PRKCE: variants seen among roughly 807,000 people sequenced by gnomAD.
PRKCE encodes the protein protein kinase C epsilon.
A neutral mutation model predicts 85.4 loss-of-function variants in PRKCE; 16 were observed. The ratio of observed to expected loss-of-function variants is 0.19; its 90% confidence interval spans 0.13 to 0.28. The LOEUF (loss-of-function observed/expected upper bound fraction) is 0.28. PRKCE is among the 10% of genes least tolerant of loss of function. The probability of loss-of-function intolerance (pLI) is 1.00; values close to 1 mark genes in which losing one functional copy is unlikely to be tolerated. For missense variants in PRKCE, 573 were observed against 975.2 expected, an observed-to-expected ratio of 0.59 and a Z score of 5.49; for synonymous variants, 388 against 371.5, an observed-to-expected ratio of 1.04 and a Z score of -0.51.
intron 2 of PRKCE, among the ~76,000 whole-genome samples, chr2:45,900,710 G>A (rs79305486): frequency 0.013 from 1,939 of 152,316 alleles, 43 homozygotes; most frequent in African/African-American, 0.043. Context: ...TTTCACAACA[G>A]TGTGAATGTA....
At chr2:45,666,666 G>A (rs993447867) in intron 1 of PRKCE, among the ~76,000 whole-genome samples, 3 of 151,944 alleles carry the variant, frequency 2.0e-5, no homozygotes, top group African/African-American at 4.8e-5. Flanking sequence ...TGGAATTGCG[G>A]TAACATTTAC....
chr2:45,652,702 G>A lies in PRKCE; in HGVS notation c.348+254G>A, dbSNP rs995580470. Among the ~76,000 whole-genome samples the A allele has an allele frequency of 1.3e-5, 2 of 152,338 alleles. No individual in the cohort carries two copies. Among genetic ancestry groups the A allele is most frequent in the African/African-American group, 2.4e-5 (1 of 41,582 alleles). ...GCCCTCCAGTTGGTGGGTGCTGCGG[G>A]AGGTTTGCAAACTGGGAGAGCCTGG... is the stretch of plus-strand genomic sequence containing the variant. On this transcript the variant is annotated intron_variant, in intron 1 of 14. Coordinates refer to ENST00000306156, the MANE Select transcript of PRKCE (RefSeq NM_005400.3). The surrounding 1 kb of genome is among the most constrained non-coding windows in gnomAD (Gnocchi z 7.7).
intron 10 of PRKCE, among the ~76,000 whole-genome samples, chr2:46,077,165 G>T (rs924910340): frequency 2.2e-5 from 2 of 91,630 alleles, no homozygotes; most frequent in Non-Finnish European, 5.4e-5. Context: ...TCTCTTTCTC[G>T]TGCACACACA....
rs1241817796 is a variant in PRKCE at position 45,786,092 on chromosome 2, C to T, written c.349-56908C>T. ...TAGATACCTGCTTCTCTCCAGGGAC[C>T]TATGGCCTTCCATAGGCACCTGCTG... On this transcript the variant is annotated intron_variant, in intron 1 of 14. Transcript: ENST00000306156. The surrounding 1 kb of genome is among the most constrained non-coding windows in gnomAD (Gnocchi z 5.3). Among the ~76,000 whole-genome samples, 1 of 152,134 alleles carries T rather than the reference C, an allele frequency of 6.6e-6. No homozygotes were observed. Among genetic ancestry groups the T allele is most frequent in the African/African-American group, 2.4e-5 (1 of 41,428 alleles).
intron 1 of PRKCE, among the ~76,000 whole-genome samples, chr2:45,662,387 T>C (rs1020915232): frequency 3.3e-5 from 5 of 152,272 alleles, no homozygotes; most frequent in African/African-American, 1.2e-4. Context: ...TACAATCCTT[T>C]CAGAGCCTGG....
intron 2 of PRKCE, among the ~76,000 whole-genome samples, chr2:45,900,207 T>C: frequency 6.6e-6 from 1 of 152,342 alleles, no homozygotes; most frequent in East Asian, 1.9e-4. Context: ...GAAAACGGCA[T>C]GACATTTTCT....
chr2:46,069,778 GC>G (rs1667918952), intron 10 of PRKCE, among the ~76,000 whole-genome samples: 1 of 152,106 alleles, frequency 6.6e-6, no homozygotes, highest in South Asian at 2.1e-4. Flanking sequence ...GTAACAGTTG[GC>G]TATAAGAAGG....
At chr2:45,763,352 A>C (rs797001854) in intron 1 of PRKCE, among the ~76,000 whole-genome samples, 3 of 152,194 alleles carry the variant, frequency 2.0e-5, no homozygotes, top group African/African-American at 7.2e-5. Flanking sequence ...GGAACTTTTC[A>C]GTAAAAAACA....
At chr2:45,725,171 T>C (rs1680949225) in intron 1 of PRKCE, among the ~76,000 whole-genome samples, 1 of 152,260 alleles carries the variant, frequency 6.6e-6, no homozygotes, top group Non-Finnish European at 1.5e-5. Context: ...ATGCTGATTC[T>C]ATTCTGCTCG....
chr2:45,839,757 C>T (rs1186012342), intron 1 of PRKCE, among the ~76,000 whole-genome samples: 1 of 152,254 alleles, frequency 6.6e-6, no homozygotes, highest in Non-Finnish European at 1.5e-5. Flanking sequence ...CCCCTCCAGT[C>T]GTTGAAGACC....
chr2:45,690,852 C>T (rs936126393), intron 1 of PRKCE, among the ~76,000 whole-genome samples: 1 of 152,202 alleles, frequency 6.6e-6, no homozygotes, highest in South Asian at 2.1e-4. Flanking sequence ...TCCCAGAGTT[C>T]CCAGAGTTTA....
chr2:45,917,805 G>A (rs938963465), intron 2 of PRKCE, among the ~76,000 whole-genome samples: 3 of 152,202 alleles, frequency 2.0e-5, no homozygotes, highest in Non-Finnish European at 4.4e-5. Flanking sequence ...TGCAGGTCCC[G>A]AGCCCTGCCC....
Position 45,935,747 on chromosome 2 carries a change from C to T in PRKCE, c.413-40682C>T, listed in dbSNP as rs550279842. Among the ~76,000 whole-genome samples, 36 of 150,768 alleles carry T rather than the reference C, an allele frequency of 2.4e-4. 1 individual carries two copies. Among genetic ancestry groups the T allele is most frequent in the African/African-American group, 8.0e-4 (33 of 41,040 alleles). On this transcript the variant is annotated intron_variant, in intron 2 of 14. Transcript: ENST00000306156. ...TTGCAGTGAGCCAAGATCATGCCAC[C>T]GCACTCCAGCCCACACGACAAAGTG...
intron 10 of PRKCE, among the ~76,000 whole-genome samples, chr2:46,035,364 A>G (rs1197712358): frequency 1.3e-5 from 2 of 152,268 alleles, no homozygotes; most frequent in Non-Finnish European, 2.9e-5. Context: ...CTCCTGTGTG[A>G]GCAAGAAGCA....
intron 10 of PRKCE, among the ~76,000 whole-genome samples, chr2:46,030,092 GACTGAGCTGATCACT>G (rs1707410375): frequency 6.6e-6 from 1 of 152,144 alleles, no homozygotes; most frequent in African/African-American, 2.4e-5. Context: ...ACTGCTGGGT[GACTGAGCTGATCACT>G]CCCTGAGATC....
At chr2:45,657,108 A>C (rs1675414510) in intron 1 of PRKCE, among the ~76,000 whole-genome samples, 1 of 152,216 alleles carries the variant, frequency 6.6e-6, no homozygotes, top group Admixed American at 6.5e-5. Flanking sequence ...TCATTGCTTC[A>C]GTAGTCTACA....
At chr2:46,058,470 G>T (rs1359730559) in intron 10 of PRKCE, among the ~76,000 whole-genome samples, 1 of 152,174 alleles carries the variant, frequency 6.6e-6, no homozygotes, top group Non-Finnish European at 1.5e-5. Context: ...GAAGAAAAAG[G>T]GTCTGAATTT....
rs144229386 is a variant in PRKCE at position 45,869,507 on chromosome 2, C to T, written c.412+26444C>T. ...ACGCCAGGCACTGTGCTGAGCCTTTCACACATGCTACCTGTTTTTTCCCCT... is the reference window on the plus strand; with the variant it reads ...ACGCCAGGCACTGTGCTGAGCCTTTTACACATGCTACCTGTTTTTTCCCCT... On this transcript the variant is annotated intron_variant, in intron 2 of 14. Coordinates refer to ENST00000306156, the MANE Select transcript of PRKCE (RefSeq NM_005400.3). Among the ~76,000 whole-genome samples the T allele has an allele frequency of 3.2e-3, 494 of 152,204 alleles. 3 individuals carry two copies. The highest frequency in any genetic ancestry group is 6.8e-3 in the Middle Eastern group (2 of 294).
chr2:45,817,295 TTATC>T (rs1014521988), intron 1 of PRKCE, among the ~76,000 whole-genome samples: 1 of 152,194 alleles, frequency 6.6e-6, no homozygotes, highest in African/African-American at 2.4e-5. Flanking sequence ...TATTTTTACT[TTATC>T]TATATTTTTA....
Sources: gnomAD v4.1 joint callset for allele counts (sites outside exome capture counted in the v4.1 genomes callset) on GRCh38, gnomAD v4.1.1 for gene constraint, Gnocchi (gnomAD v3.1) non-coding constraint, MANE v1.5 for transcripts, NCBI Gene and HGNC (gene_info 2026-07-23, HGNC 2026-07-21) for gene names.